Variants in NBPF14 observed in about 807,000 individuals in gnomAD.
NBPF14 encodes NBPF family member NBPF14.
In NBPF14, 104 loss-of-function variants were observed where a neutral mutation model predicts 91.2. The observed-to-expected ratio is 1.14, with a 90% CI of 0.97 to 1.34. The LOEUF (loss-of-function observed/expected upper bound fraction) is 1.34, where lower values mean the gene tolerates loss of function less well. Among genes scored for constraint, NBPF14 ranks in the 40% most tolerant of loss-of-function variants. NBPF14 has a pLI of 0.00. For synonymous variants in NBPF14, 294 were observed against 303.8 expected (o/e 0.97, Z 0.34); for missense variants, 908 against 783.0 (o/e 1.16, Z -1.91).
chr1:148,577,570 AC>A (rs1660098090), intron 14 of NBPF14, among the ~76,000 whole-genome samples: 1 of 150,676 alleles, frequency 6.6e-6, no homozygotes, highest in Non-Finnish European at 1.5e-5. Flanking sequence ...ACACACACAC[AC>A]ACACACTCAC....
chr1:148,534,496 G>A (rs376834111), intron 69 of NBPF14, among the ~76,000 whole-genome samples, 188 bp downstream of exon 69: 1 of 151,764 alleles, frequency 6.6e-6, no homozygotes, highest in Non-Finnish European at 1.5e-5. Context: ...AGAGAGTCTT[G>A]CTCACTGACC....
At chr1:148,579,783 A>G (rs1286918941) in intron 12 of NBPF14, among the ~76,000 whole-genome samples, 5 of 152,320 alleles carry the variant, frequency 3.3e-5, no homozygotes, top group Admixed American at 1.3e-4. Flanking sequence ...GAGAATAGGC[A>G]ACACCAAGAA....
chr1:148,577,881 T>C, intron 14 of NBPF14, 102 bp downstream of exon 14: 2 of 605,624 alleles, frequency 3.3e-6, no homozygotes, highest in South Asian at 3.9e-5. Context: ...CAGACTTGTC[T>C]GACAAGACAA....
At chr1:148,566,382 T>C (rs1211149707) in intron 28 of NBPF14, 67 bp from the exon 29 acceptor site, 10 of 733,278 alleles carry the variant, frequency 1.4e-5, no homozygotes, top group Non-Finnish European at 2.5e-5. Flanking sequence ...CTCAACTAGG[T>C]TTCATGGGTA....
intron 68 of NBPF14, 38 bp downstream of exon 68, chr1:148,535,415 C>A (rs2149475646): frequency 6.5e-5 from 33 of 504,170 alleles, no homozygotes; most frequent in South Asian, 6.2e-4. Context: ...CTCCAGGTGT[C>A]AACACAGAAT....
At chr1:148,559,917 G>C (rs1452829355) in exon 37 of NBPF14, 11 of 1,324,846 alleles carry the variant, frequency 8.3e-6, no homozygotes, top group East Asian at 2.5e-5. Flanking sequence ...TATCCAGTGA[G>C]TCCTGCAAGA....
chr1:148,534,007 G>A (rs1558348025), intron 69 of NBPF14, 38 bp from the exon 70 acceptor site: 7 of 683,306 alleles, frequency 1.0e-5, no homozygotes, highest in Non-Finnish European at 1.9e-5. Flanking sequence ...ACATTAAGCT[G>A]ATTCCCCTAC....
chr1:148,594,063 T>C (rs2149588407), intron 2 of NBPF14, among the ~76,000 whole-genome samples: 1 of 148,002 alleles, frequency 6.8e-6, no homozygotes, highest in South Asian at 2.2e-4. Flanking sequence ...AAGTAGTGAT[T>C]TCTTGTACAG....
chr1:148,557,161 G>C (rs1160784280), intron 40 of NBPF14, among the ~76,000 whole-genome samples: 42 of 111,322 alleles, frequency 3.8e-4, no homozygotes, highest in South Asian at 1.1e-3. Context: ...GACACTCTGA[G>C]TTAGTGCCCT....
exon 71 of NBPF14, chr1:148,533,218 C>A (rs1161090701): frequency 1.4e-6 from 1 of 694,872 alleles, no homozygotes; most frequent in East Asian, 2.8e-5. Flanking sequence ...AGACTTCACG[C>A]TCTTCCACTT....
At chr1:148,587,164 T>G in intron 8 of NBPF14, 137 bp downstream of exon 8, 1 of 707,364 alleles carries the variant, frequency 1.4e-6, no homozygotes, top group East Asian at 2.5e-5. Flanking sequence ...TGATAAATAT[T>G]TGTGTGTAGC....
chr1:148,533,840 T>C (rs1399920596), intron 70 of NBPF14, 21 bp downstream of exon 70: 8 of 766,140 alleles, frequency 1.0e-5, no homozygotes, highest in East Asian at 2.4e-5. Flanking sequence ...GAACTAAGGA[T>C]CCACAATTGC....
At chr1:148,587,236 T>G (rs1293418613) in intron 8 of NBPF14, 65 bp downstream of exon 8, 6 of 1,373,372 alleles carry the variant, frequency 4.4e-6, no homozygotes, top group African/African-American at 1.4e-5. Context: ...GTCTCCCCAC[T>G]GAGCTGCTGT....
intron 47 of NBPF14, among the ~76,000 whole-genome samples, chr1:148,551,748 AG>A (rs1656244581): frequency 5.1e-5 from 1 of 19,678 alleles, no homozygotes; most frequent in Non-Finnish European, 8.2e-5. Context: ...GAATAGGATC[AG>A]GGCACCACAG....
At position 148,589,938 on chromosome 1, in the gene NBPF14, G is replaced by T. The variant is rs1662177721; in HGVS notation, c.779-545C>A. ...GTAGAGATGGGGTTTCGCCATCTTG[G>T]ACAGGCTGGTTTCGAACTCCTGAGC... On this transcript the variant is annotated intron_variant, in intron 6 of 70. Coordinates refer to ENST00000619423, the Ensembl canonical transcript of NBPF14. Among the ~76,000 whole-genome samples the T allele has an allele frequency of 1.4e-5, 2 of 147,806 alleles. 1 individual carries two copies.
At chr1:148,577,620 A>T (rs1438713435) in intron 14 of NBPF14, among the ~76,000 whole-genome samples, 4 of 150,080 alleles carry the variant, frequency 2.7e-5, no homozygotes, top group African/African-American at 1.0e-4. Context: ...GTCAGGTGAC[A>T]CACTGATGAG....
chr1:148,548,569 A>G (rs1465180094), intron 51 of NBPF14, among the ~76,000 whole-genome samples: 1 of 16,820 alleles, frequency 5.9e-5, no homozygotes, highest in East Asian at 1.8e-3. Context: ...AATTTTTTAC[A>G]TCTGCCTGGG....
At chr1:148,533,656 G>T (rs1487815722) in intron 70 of NBPF14, among the ~76,000 whole-genome samples, 1 of 148,158 alleles carries the variant, frequency 6.7e-6, no homozygotes, top group East Asian at 2.0e-4. Flanking sequence ...TTTGAAGTAT[G>T]GTCAACCTAT....
At chr1:148,542,700 A>T in exon 59 of NBPF14, 1 of 8,982 alleles carries the variant, frequency 1.1e-4, no homozygotes, top group Non-Finnish European at 1.7e-4. Flanking sequence ...TTCAGGCTCT[A>T]CTACCTCCAG....
Sources: allele counts gnomAD v4.1 joint callset (sites outside exome capture counted in the v4.1 genomes callset), GRCh38; gene constraint gnomAD v4.1.1; transcripts MANE v1.5; gene names NCBI Gene and HGNC (gene_info 2026-07-23, HGNC 2026-07-21).